The following TBC1D5 variants were observed in gnomAD, a reference collection of about 807,000 sequenced individuals.
TBC1D5 encodes TBC1 domain family member 5.
Under a neutral mutation model 100.3 loss-of-function variants are expected in TBC1D5, and 75 were observed. The observed-to-expected ratio is 0.75, with a 90% CI of 0.62 to 0.91. The LOEUF (loss-of-function observed/expected upper bound fraction) is 0.91. Ranked by LOEUF, TBC1D5 falls within the 40% of genes least tolerant of loss-of-function variation. The pLI is 0.00. For synonymous variants in TBC1D5, 323 were observed against 325.6 expected, an observed-to-expected ratio of 0.99 and a Z score of 0.09; for missense variants, 910 against 942.4, an observed-to-expected ratio of 0.97 and a Z score of 0.45.
chr3:17,164,584 T>C (rs533549805), intron 21 of TBC1D5, among the ~76,000 whole-genome samples: 1 of 152,332 alleles, frequency 6.6e-6, no homozygotes, highest in African/African-American at 2.4e-5. Context: ...CTTGGCTCTC[T>C]TGGCGCATGT....
intron 2 of TBC1D5, among the ~76,000 whole-genome samples, chr3:17,591,740 T>A (rs1224054989): frequency 1.3e-5 from 2 of 152,170 alleles, no homozygotes; most frequent in African/African-American, 4.8e-5. Flanking sequence ...GGCTGACTGG[T>A]ATAGTGAGGG....
intron 18 of TBC1D5, among the ~76,000 whole-genome samples, chr3:17,207,198 C>A (rs1220155048): frequency 6.6e-6 from 1 of 152,022 alleles, no homozygotes; most frequent in African/African-American, 2.4e-5. Flanking sequence ...TTAACCTTAG[C>A]AAAGATATTC....
intron 13 of TBC1D5, among the ~76,000 whole-genome samples, chr3:17,340,854 T>G (rs189756015): frequency 6.6e-6 from 1 of 152,330 alleles, no homozygotes; most frequent in African/African-American, 2.4e-5. Flanking sequence ...ATAGTAGCGG[T>G]ATCTAGAAAT....
intron 15 of TBC1D5, among the ~76,000 whole-genome samples, chr3:17,262,241 G>A (rs2078375485): frequency 6.6e-6 from 1 of 152,098 alleles, no homozygotes; most frequent in Non-Finnish European, 1.5e-5. Flanking sequence ...CTACAAACCT[G>A]TACAGCATGT....
At chr3:17,692,947 T>C (rs985087110) in intron 1 of TBC1D5, among the ~76,000 whole-genome samples, 1 of 152,234 alleles carries the variant, frequency 6.6e-6, no homozygotes, top group African/African-American at 2.4e-5. Context: ...CTGGGCAACA[T>C]GGCAAGAACC....
chr3:17,292,169 G>A (rs574247133), intron 14 of TBC1D5, among the ~76,000 whole-genome samples, 168 bp from the exon 15 acceptor site: 1 of 152,292 alleles, frequency 6.6e-6, no homozygotes, highest in South Asian at 2.1e-4. Flanking sequence ...GCCTTTGAAG[G>A]AACACATTGT....
At chr3:17,215,765 G>A (rs567366804) in intron 17 of TBC1D5, among the ~76,000 whole-genome samples, 61 of 152,176 alleles carry the variant, frequency 4.0e-4, no homozygotes, top group Admixed American at 9.2e-4. Context: ...AGCTGACTGA[G>A]AAGCAGCAGC....
At chr3:17,240,758 T>C (rs540028786) in intron 16 of TBC1D5, among the ~76,000 whole-genome samples, 23 of 152,222 alleles carry the variant, frequency 1.5e-4, no homozygotes, top group African/African-American at 5.1e-4. Context: ...TTCCCAGATA[T>C]GAAGAAGTTA....
intron 16 of TBC1D5, among the ~76,000 whole-genome samples, chr3:17,253,868 G>C (rs1413840316): frequency 6.6e-6 from 1 of 152,198 alleles, no homozygotes; most frequent in Non-Finnish European, 1.5e-5. Flanking sequence ...CTTACGTGCG[G>C]ATTTTTTTCA....
At chr3:17,187,592 T>C (rs892096662) in intron 18 of TBC1D5, among the ~76,000 whole-genome samples, 1 of 152,018 alleles carries the variant, frequency 6.6e-6, no homozygotes, top group Non-Finnish European at 1.5e-5. Context: ...GATTTTGGAG[T>C]AGTTTGTTAT....
rs115551540 is a variant in TBC1D5, at chr3:17,617,074, T to C, written c.-36+6775A>G. On this transcript the variant is annotated intron_variant, in intron 2 of 21. Coordinates refer to ENST00000253692, the Ensembl canonical transcript of TBC1D5. ...TGCTTCCTTCAGGAGCTCGCTCTTG[T>C]AAGGGAGGCCTGGTGATGACAAAAT... Among the ~76,000 whole-genome samples the C allele has an allele frequency of 1.2e-3, 181 of 152,318 alleles. 2 individuals carry two copies. Among genetic ancestry groups the C allele is most frequent in the African/African-American group, 4.0e-3 (166 of 41,572 alleles).
At chr3:17,420,219 AT>A (rs2094175760) in intron 4 of TBC1D5, among the ~76,000 whole-genome samples, 1 of 152,134 alleles carries the variant, frequency 6.6e-6, no homozygotes, top group Non-Finnish European at 1.5e-5. Flanking sequence ...AAAAAAAAAA[AT>A]AAAGATATAG....
intron 3 of TBC1D5, among the ~76,000 whole-genome samples, chr3:17,485,456 G>A (rs1018108712): frequency 1.3e-5 from 2 of 150,662 alleles, no homozygotes; most frequent in Admixed American, 6.6e-5. Flanking sequence ...TTAGCATTAG[G>A]TGTATCTCCT....
intron 3 of TBC1D5, among the ~76,000 whole-genome samples, chr3:17,477,256 TTTATC>T (rs1415546953): frequency 2.0e-5 from 3 of 152,134 alleles, no homozygotes; most frequent in African/African-American, 7.2e-5. Context: ...GTAAAATATG[TTTATC>T]TTTTTACCCA....
At chr3:17,238,235 G>A in exon 17 of TBC1D5, 1 of 1,614,012 alleles carries the variant, frequency 6.2e-7, no homozygotes, top group Non-Finnish European at 8.5e-7. Flanking sequence ...TGCAAGTGAT[G>A]GCTTGGGGCC....
chr3:17,614,482 T>C (rs1299251829), intron 2 of TBC1D5, among the ~76,000 whole-genome samples: 1 of 152,246 alleles, frequency 6.6e-6, no homozygotes, highest in Non-Finnish European at 1.5e-5. Flanking sequence ...CTGGGCAGTA[T>C]GACCATTTTC....
chr3:17,233,881 A>G (rs1227472092), intron 17 of TBC1D5, 131 bp from the exon 18 acceptor site: 2 of 501,878 alleles, frequency 4.0e-6, no homozygotes, highest in Non-Finnish European at 7.1e-6. Flanking sequence ...AATAATGCAC[A>G]AGCTTAGAAA....
chr3:17,398,310 G>A (rs2093561173), intron 8 of TBC1D5, among the ~76,000 whole-genome samples: 1 of 151,720 alleles, frequency 6.6e-6, no homozygotes. Context: ...AAAACGCTTT[G>A]AGGCAAAAAA....
chr3:17,211,837 G>A (rs1307260515), intron 18 of TBC1D5, among the ~76,000 whole-genome samples: 3 of 152,194 alleles, frequency 2.0e-5, no homozygotes, highest in African/African-American at 7.2e-5. Context: ...CACTAAAGGT[G>A]CCAGGTTTAA....
Sources: gnomAD v4.1 joint callset for allele counts (sites outside exome capture counted in the v4.1 genomes callset) on GRCh38, gnomAD v4.1.1 for gene constraint, MANE v1.5 for transcripts, NCBI Gene and HGNC (gene_info 2026-07-23, HGNC 2026-07-21) for gene names.